The following ITM2A variants were observed in gnomAD, a reference collection of about 807,000 sequenced individuals.
The protein encoded by ITM2A is BRICHOS domain containing 2A.
Under a neutral mutation model 16.6 loss-of-function variants are expected in ITM2A, and 11 were observed. The ratio of observed to expected loss-of-function variants is 0.66; its 90% CI spans 0.42 to 1.10. ITM2A has a LOEUF of 1.10. Among genes scored for constraint, ITM2A ranks in the 50% least tolerant of loss-of-function variants. The pLI is 0.00. For missense variants in ITM2A, 243 were observed against 206.8 expected, an observed-to-expected ratio of 1.17 and a Z score of -1.07; for synonymous variants, 102 against 71.2, an observed-to-expected ratio of 1.43 and a Z score of -2.18.
At chrX:79,366,819 C>G (rs1295380828) in intron 1 of ITM2A, 1 of 267,072 alleles carries the variant, frequency 3.7e-6, no homozygotes, top group African/African-American at 2.9e-5. Context: ...GAGACAATGA[C>G]AAGGAGTCCC....
intron 1 of ITM2A, among the ~76,000 whole-genome samples, chrX:79,366,632 A>G (rs1481007748): frequency 9.0e-6 from 1 of 111,593 alleles, no homozygotes. Context: ...GAGATCATAG[A>G]AAGATTTAGT....
chrX:79,367,093 T>G lies in ITM2A; in HGVS notation c.111+12A>C. 1.2e-5 allele frequency: 12 copies of G among 995,315 alleles called. No individual in the cohort carries two copies. The highest frequency in any genetic ancestry group is 1.7e-5 in the Non-Finnish European group (12 of 711,670). The allele number at this position is 995,315 out of a possible 1,213,427, so 82.0% of individuals were successfully genotyped here. A position where few individuals can be genotyped will look rare whatever the true frequency, so the allele number is the denominator to read the frequency against. On this transcript the variant is annotated intron_variant, in intron 1 of 5. Coordinates refer to ENST00000373298, the MANE Select transcript of ITM2A (RefSeq NM_004867.5). ...CGCCCACCCCTCCCCCATCCCGCCC[T>G]GGGACAGCTACCTTGCCGGTCAGTA...
At chrX:79,363,287 T>C (rs1229288162) in intron 2 of ITM2A, 136 bp downstream of exon 2, 3 of 750,176 alleles carry the variant, frequency 4.0e-6, no homozygotes, top group Non-Finnish European at 5.7e-6. Context: ...AAATCAATTT[T>C]ATGAACTGAA....
In ITM2A at chrX:79,361,013, C is replaced by T; in HGVS notation, c.*76G>A. ...ATGCATGAGTAAATATCTTGAGTAT[C>T]CCATAAACCTTAATGTTAAAGTCAT... On this transcript the variant is annotated 3_prime_UTR_variant, in exon 6 of 6. Coordinates refer to ENST00000373298, the MANE Select transcript of ITM2A (RefSeq NM_004867.5). 1 of 537,174 alleles carries T rather than the reference C, an allele frequency of 1.9e-6. No individual in the cohort carries two copies. The highest frequency in any genetic ancestry group is 3.0e-6 in the Non-Finnish European group (1 of 331,008). The allele number at this position is 537,174 out of a possible 1,213,427, so 44.3% of individuals were successfully genotyped here.
intron 1 of ITM2A, among the ~76,000 whole-genome samples, chrX:79,364,104 T>C (rs1925507738): frequency 8.9e-6 from 1 of 111,985 alleles, no homozygotes; most frequent in South Asian, 3.7e-4. Flanking sequence ...TAGTATCCTT[T>C]GATTAATTTA....
intron 3 of ITM2A, 39 bp downstream of exon 3, chrX:79,362,901 GAA>G (rs761514646): frequency 9.7e-7 from 1 of 1,025,659 alleles, no homozygotes; most frequent in South Asian, 2.0e-5. Context: ...GAGAGAGAGA[GAA>G]AAAAAATCCT....
chrX:79,366,699 G>T (rs1300524290), intron 1 of ITM2A, among the ~76,000 whole-genome samples: 1 of 111,702 alleles, frequency 9.0e-6, no homozygotes, highest in Non-Finnish European at 1.9e-5. Context: ...TCCCGGTCTT[G>T]CTCACCCCCC....
intron 1 of ITM2A, among the ~76,000 whole-genome samples, chrX:79,365,149 T>C (rs775445376): frequency 8.9e-6 from 1 of 111,766 alleles, no homozygotes; most frequent in Non-Finnish European, 1.9e-5. Context: ...CTAAGAGAAA[T>C]AAATTTATTT....
At chrX:79,366,354 T>G (rs1229971864) in intron 1 of ITM2A, among the ~76,000 whole-genome samples, 1 of 111,417 alleles carries the variant, frequency 9.0e-6, no homozygotes, top group Non-Finnish European at 1.9e-5. Flanking sequence ...ATCCTCAAAT[T>G]TATTTTTACA....
chrX:79,362,385 C>G (rs768320633), intron 4 of ITM2A, among the ~76,000 whole-genome samples, 196 bp downstream of exon 4: 1 of 111,782 alleles, frequency 8.9e-6, no homozygotes, highest in Non-Finnish European at 1.9e-5. Flanking sequence ...CTATTTAAAT[C>G]CTTTCCTACA....
intron 1 of ITM2A, 27 bp downstream of exon 1, chrX:79,367,078 T>G: frequency 8.7e-6 from 5 of 571,839 alleles, no homozygotes; most frequent in Non-Finnish European, 1.1e-5. Flanking sequence ...CGCCCACCCC[T>G]CCCCCATCCC....
chrX:79,365,054 A>T (rs989534841), intron 1 of ITM2A, among the ~76,000 whole-genome samples: 8 of 111,674 alleles, frequency 7.2e-5, no homozygotes, highest in Non-Finnish European at 1.3e-4. Flanking sequence ...CTGGAGACTT[A>T]AAATTATATT....
At chrX:79,364,240 T>C (rs1371481971) in intron 1 of ITM2A, among the ~76,000 whole-genome samples, 3 of 112,262 alleles carry the variant, frequency 2.7e-5, no homozygotes, top group African/African-American at 9.7e-5. Flanking sequence ...ATAAATTTAA[T>C]GTTCCTAATT....
chrX:79,362,149 G>C (rs1925440061), intron 4 of ITM2A, among the ~76,000 whole-genome samples: 1 of 111,206 alleles, frequency 9.0e-6, no homozygotes, highest in South Asian at 3.7e-4. Flanking sequence ...CAACACCAAT[G>C]GTGTATAAGC....
intron 1 of ITM2A, among the ~76,000 whole-genome samples, chrX:79,364,995 A>G: frequency 9.0e-6 from 1 of 110,781 alleles, no homozygotes; most frequent in East Asian, 2.8e-4. Context: ...AGCACTACAA[A>G]GATAGAACTA....
At position 79,367,208 on chromosome X, in the gene ITM2A, T is replaced by C; in HGVS notation, c.8A>G (p.Lys3Arg). The C allele has an allele frequency of 8.4e-7, 1 of 1,194,826 alleles. No homozygotes were observed. The highest frequency in any genetic ancestry group is 1.7e-5 in the African/African-American group (1 of 57,477). Residue 3 changes from lysine (K) to arginine (R), a missense_variant, in exon 1 of 6, where the codon AAA becomes AGA. Physicochemically the swap from Lys to Arg is conservative, Grantham distance 26. Transcript: ENST00000373298. The stretch of plus-strand genomic sequence containing the variant: ...GGCGGTAGGGGTATTGAAGGCGATT[T>C]TCACCATAGTGAATCTTCGGGCTGC... MVKIAFNTPTAVQ... is the reference protein window; with the variant it reads MVRIAFNTPTAVQ...
chrX:79,360,655 CTGATA>C lies in ITM2A; in HGVS notation c.*429_*433del, dbSNP rs948263274. 1.8e-5 allele frequency: 2 copies of C among 111,495 alleles called. No individual in the cohort carries two copies. The highest frequency in any genetic ancestry group is 6.5e-5 in the African/African-American group (2 of 30,718). 9.2% of individuals were successfully genotyped at this position (111,495 alleles called of 1,213,427 possible). Reference sequence around the variant, plus strand: ...CAAAAGAAACCAACAATGTTGAGATCTGATATATTTTACACAAAAAGTTCAAAAAC... The same window carrying C: ...CAAAAGAAACCAACAATGTTGAGATCTATTTTACACAAAAAGTTCAAAAAC... On this transcript the variant is annotated 3_prime_UTR_variant, in exon 6 of 6. Transcript: ENST00000373298.
In ITM2A at chrX:79,362,647, C is replaced by G. The variant is rs1925460998; in HGVS notation, c.486G>C (p.Leu162=). The G allele has an allele frequency of 2.5e-6, 3 of 1,207,245 alleles. No individual in the cohort carries two copies. The East Asian group carries it at 8.9e-5, about 36-fold the overall frequency. ...TAACAATAGAAGTATTGAGGGGCAT[C>G]AGATAGCAGTTCCCCAGCAACAAGT... ...YLDLLLGNCY[L]MPLNTSIVMP... Residue 162 remains leucine (L), a synonymous_variant, in exon 4 of 6, where the codon CTG becomes CTC. Coordinates refer to ENST00000373298, the MANE Select transcript of ITM2A (RefSeq NM_004867.5).
chrX:79,366,917 T>C lies in ITM2A; in HGVS notation c.111+188A>G, dbSNP rs1359516681. 3 of 414,994 alleles carry C rather than the reference T, an allele frequency of 7.2e-6. No homozygotes were observed. In the African/African-American group the frequency reaches 7.6e-5, roughly 10 times the overall value. 34.2% of individuals were successfully genotyped at this position (414,994 alleles called of 1,213,427 possible). ...CAGAACATGGCACGACACGCGGGAATGCAGAGTGACAGAGGGTGCGGTAAG... is the reference window on the plus strand; with the variant it reads ...CAGAACATGGCACGACACGCGGGAACGCAGAGTGACAGAGGGTGCGGTAAG... On this transcript the variant is annotated intron_variant, in intron 1 of 5. Transcript: ENST00000373298.
Sources: gnomAD v4.1 joint callset for allele counts (sites outside exome capture counted in the v4.1 genomes callset) on GRCh38, gnomAD v4.1.1 for gene constraint, MANE v1.5 for transcripts, NCBI Gene and HGNC (gene_info 2026-07-23, HGNC 2026-07-21) for gene names.